Variants in ADARB1 observed in about 807,000 individuals in gnomAD.
The protein encoded by ADARB1 is adenosine deaminase RNA specific B1, also known as double-stranded RNA-specific editase 1.
ADARB1 carries 10 observed loss-of-function variants against 52.4 expected under a neutral mutation model. That is an observed-to-expected ratio of 0.19 (90% CI 0.12 to 0.32). The LOEUF is 0.32. Among genes scored for constraint, ADARB1 ranks in the 10% least tolerant of loss-of-function variants. The pLI is 1.00. For synonymous variants in ADARB1, 349 were observed against 371.1 expected (o/e 0.94, Z 0.68); for missense variants, 643 against 922.3 (o/e 0.70, Z 3.92).
In ADARB1 at chr21:45,224,655, A is replaced by T. The variant is rs112121483; in HGVS notation, c.*2458A>T. On this transcript the variant is annotated 3_prime_UTR_variant, in exon 11 of 11. Coordinates refer to ENST00000348831, the MANE Select transcript of ADARB1 (RefSeq NM_001112.4). ...CTGGGCGGGGTGGCTGTCAGGGGGA[A>T]CTGGGTTCCGGGAGCCCTGGGCCGG... 1 of 753,596 alleles carries T rather than the reference A, an allele frequency of 1.3e-6. No individual in the cohort carries two copies. Among genetic ancestry groups the T allele is most frequent in the Non-Finnish European group, 1.5e-6 (1 of 687,776 alleles). 46.7% of individuals were successfully genotyped at this position (753,596 alleles called of 1,614,324 possible).
chr21:45,225,953 G>C lies in ADARB1; in HGVS notation c.*3756G>C. 5.5e-6 allele frequency: 1 copy of C among 183,082 alleles called. No individual in the cohort carries two copies. Among genetic ancestry groups the C allele is most frequent in the Non-Finnish European group, 1.1e-5 (1 of 88,828 alleles). 11.3% of individuals were successfully genotyped at this position (183,082 alleles called of 1,614,324 possible). A position where few individuals can be genotyped will look rare whatever the true frequency, so the allele number is the denominator to read the frequency against. On this transcript the variant is annotated 3_prime_UTR_variant, in exon 11 of 11. Transcript: ENST00000348831. ...GGCCAGTGGTTGCTCGGGGCCTTCCGTGTGAGTTCTAGTGTTCACTTGATG... is the reference window on the plus strand; with the variant it reads ...GGCCAGTGGTTGCTCGGGGCCTTCCCTGTGAGTTCTAGTGTTCACTTGATG...
At position 45,157,685 on chromosome 21, in the gene ADARB1, A is replaced by G. The variant is rs2090737223; in HGVS notation, c.-47-13925A>G. 6.6e-6 allele frequency among the ~76,000 whole-genome samples: 1 copy of G among 152,184 alleles called. No homozygotes were observed. The highest frequency in any genetic ancestry group is 2.1e-4 in the South Asian group (1 of 4,832). ...TCTGTATGTGTGAACATGTATGGAC[A>G]TATGTGCATAGGGTGGGGGTAACGA... On this transcript the variant is annotated intron_variant, in intron 2 of 10. Transcript: ENST00000348831. The surrounding 1 kb of genome is among the most constrained non-coding windows in gnomAD (Gnocchi z 4.1).
chr21:45,082,114 G>A (rs190976056), intron 1 of ADARB1, among the ~76,000 whole-genome samples: 197 of 152,296 alleles, frequency 1.3e-3, no homozygotes, highest in African/African-American at 4.5e-3. Flanking sequence ...GGATGGTGAT[G>A]ATGTGATGAT....
At position 45,143,951 on chromosome 21, in the gene ADARB1, CT is replaced by C. The variant is rs553824159; in HGVS notation, c.-48+15387del. On this transcript the variant is annotated intron_variant, in intron 2 of 10. Coordinates refer to ENST00000348831, the MANE Select transcript of ADARB1 (RefSeq NM_001112.4). The stretch of plus-strand genomic sequence containing the variant: ...CCCCATTGTCCCCATTGTCAGTTGT[CT>C]TTTTTTTTCCTTATTAGAACATAAG... 1.5e-3 allele frequency among the ~76,000 whole-genome samples: 232 copies of C among 151,664 alleles called. 1 individual carries two copies. The highest frequency in any genetic ancestry group is 0.01 in the Middle Eastern group (3 of 294).
rs1234592600 is a variant in ADARB1 at position 45,142,871 on chromosome 21, A to G, written c.-48+14298A>G. 6.6e-6 allele frequency among the ~76,000 whole-genome samples: 1 copy of G among 152,140 alleles called. No individual in the cohort carries two copies. Among genetic ancestry groups the G allele is most frequent in the East Asian group, 1.9e-4 (1 of 5,188 alleles). ...TAGAAGAGGGAGCAGGGCTTTGACC[A>G]GGGGGACCAGCTAGTGACTCTGTGC... On this transcript the variant is annotated intron_variant, in intron 2 of 10. Coordinates refer to ENST00000348831, the MANE Select transcript of ADARB1 (RefSeq NM_001112.4). The surrounding 1 kb of genome is among the most constrained non-coding windows in gnomAD (Gnocchi z 4.0).
intron 2 of ADARB1, among the ~76,000 whole-genome samples, chr21:45,141,803 A>C (rs979764078): frequency 2.7e-5 from 4 of 150,222 alleles, no homozygotes; most frequent in Admixed American, 6.6e-5. Context: ...CGCCTGGGCC[A>C]TGTTAACTAC....
intron 9 of ADARB1, among the ~76,000 whole-genome samples, chr21:45,218,868 T>C (rs2092914177): frequency 9.0e-6 from 1 of 111,030 alleles, no homozygotes; most frequent in African/African-American, 3.0e-5. Context: ...AATATGAGTC[T>C]GCCCATGTTC....
Position 45,175,845 on chromosome 21 carries a change from C to T in ADARB1, c.144C>T (p.Gly48=). ...GSQLSNGGGG[G]PGRKRPLEEG... is the part of the protein sequence containing the mutation. ...AGCTCTCCAATGGGGGTGGTGGTGGCCCCGGCAGAAAGCGGCCCCTGGAGG... is the reference window on the plus strand; with the variant it reads ...AGCTCTCCAATGGGGGTGGTGGTGGTCCCGGCAGAAAGCGGCCCCTGGAGG... Residue 48 remains glycine, a synonymous_variant, in exon 4 of 11, where the codon GGC becomes GGT. Transcript: ENST00000348831. 1.2e-6 allele frequency: 2 copies of T among 1,613,896 alleles called. No individual in the cohort carries two copies. The highest frequency in any genetic ancestry group is 2.2e-5 in the South Asian group (2 of 91,046).
At chr21:45,081,087 C>G (rs2086133244) in intron 1 of ADARB1, among the ~76,000 whole-genome samples, 1 of 152,232 alleles carries the variant, frequency 6.6e-6, no homozygotes, top group Non-Finnish European at 1.5e-5. Context: ...TGCATTCTCT[C>G]CATCATCTGT....
At chr21:45,133,970 A>C (rs1315115874) in intron 2 of ADARB1, among the ~76,000 whole-genome samples, 1 of 74,746 alleles carries the variant, frequency 1.3e-5, no homozygotes. Flanking sequence ...TGTGCGCCCG[A>C]CGGGGGTGTG....
chr21:45,217,812 T>C (rs767933200), intron 9 of ADARB1, among the ~76,000 whole-genome samples: 12 of 152,232 alleles, frequency 7.9e-5, no homozygotes, highest in Non-Finnish European at 1.3e-4. Flanking sequence ...TTTTGAAGTA[T>C]ATTTTGCTGT....
At chr21:45,153,548 G>A (rs1007571090) in intron 2 of ADARB1, among the ~76,000 whole-genome samples, 2 of 152,196 alleles carry the variant, frequency 1.3e-5, no homozygotes, top group Admixed American at 6.5e-5. Flanking sequence ...GCTGTGGCAG[G>A]AGATGGCTGT....
At chr21:45,130,577 T>C (rs1323379237) in intron 2 of ADARB1, among the ~76,000 whole-genome samples, 1 of 152,198 alleles carries the variant, frequency 6.6e-6, no homozygotes, top group Non-Finnish European at 1.5e-5. Context: ...CTTTTCAGGG[T>C]GGTTTAAATA....
chr21:45,109,990 C>T lies in ADARB1; in HGVS notation c.-219-18412C>T, dbSNP rs2087461904. 2.6e-5 allele frequency among the ~76,000 whole-genome samples: 4 copies of T among 152,142 alleles called. No individual in the cohort carries two copies. The South Asian group carries it at 6.2e-4, about 24-fold the overall frequency. ...TCTAGTCACGCTTCAGCTGCAAGTG[C>T]GGTGTGAGCATCTATTTTTACCTCA... is the stretch of plus-strand genomic sequence containing the variant. On this transcript the variant is annotated intron_variant, in intron 1 of 10. Transcript: ENST00000348831.
intron 9 of ADARB1, among the ~76,000 whole-genome samples, chr21:45,215,466 G>A (rs554199260): frequency 3.3e-5 from 5 of 150,920 alleles, no homozygotes; most frequent in Admixed American, 6.6e-5. Context: ...CTTTTTTTCT[G>A]CTCTTAGATG....
intron 8 of ADARB1, among the ~76,000 whole-genome samples, chr21:45,186,765 C>A (rs2092120217): frequency 6.6e-6 from 1 of 152,050 alleles, no homozygotes; most frequent in African/African-American, 2.4e-5. Flanking sequence ...AATCCTTAGC[C>A]CTTTGAGAAG....
chr21:45,223,620 A>C lies in ADARB1; in HGVS notation c.*1423A>C. ...ATGGGGAGAGATTGGTGCAGACCTT[A>C]CCCCACAGCATACACCTGCCACAGC... On this transcript the variant is annotated 3_prime_UTR_variant, in exon 11 of 11. Transcript: ENST00000348831. 1 of 985,450 alleles carries C rather than the reference A, an allele frequency of 1.0e-6. No individual in the cohort carries two copies. The highest frequency in any genetic ancestry group is 1.2e-6 in the Non-Finnish European group (1 of 830,138). 61.0% of individuals were successfully genotyped at this position (985,450 alleles called of 1,614,324 possible). A position where few individuals can be genotyped will look rare whatever the true frequency, so the allele number is the denominator to read the frequency against.
chr21:45,118,154 C>T (rs1032422611), intron 1 of ADARB1, among the ~76,000 whole-genome samples: 32 of 152,344 alleles, frequency 2.1e-4, no homozygotes, highest in Non-Finnish European at 3.4e-4. Flanking sequence ...AATTCTGCCT[C>T]ACCAAACCTT....
intron 8 of ADARB1, among the ~76,000 whole-genome samples, chr21:45,199,192 G>A (rs2092495360): frequency 6.6e-6 from 1 of 152,180 alleles, no homozygotes; most frequent in African/African-American, 2.4e-5. Context: ...ATGGTCTGGA[G>A]CCTGATCCCT....
Sources: allele counts gnomAD v4.1 joint callset (sites outside exome capture counted in the v4.1 genomes callset), GRCh38; gene constraint gnomAD v4.1.1; non-coding constraint Gnocchi (gnomAD v3.1); transcripts MANE v1.5; gene names NCBI Gene and HGNC (gene_info 2026-07-23, HGNC 2026-07-21).